The following GCH1 variants were observed in gnomAD, a reference collection of about 807,000 sequenced individuals.
GCH1 encodes GTP cyclohydrolase 1, also known as GTP cyclohydrolase I.
In GCH1, 5 loss-of-function variants were observed where a neutral mutation model predicts 25.9. The observed-to-expected ratio is 0.19, with a 90% CI of 0.10 to 0.41. The LOEUF is 0.41. GCH1 is among the 10% of genes least tolerant of loss of function. GCH1 has a pLI of 1.00. For synonymous variants in GCH1, 159 were observed against 129.6 expected, an observed-to-expected ratio of 1.23 and a Z score of -1.54; for missense variants, 261 against 336.5, an observed-to-expected ratio of 0.78 and a Z score of 1.75.
chr14:54,902,519 G>C lies in GCH1; in HGVS notation c.145C>G (p.Pro49Ala), dbSNP rs573085618. 1.4e-5 allele frequency: 22 copies of C among 1,596,262 alleles called. No individual in the cohort carries two copies. The African/African-American group carries it at 3.0e-4, about 22-fold the overall frequency. Residue 49 changes from proline to alanine, a missense_variant, in exon 1 of 6, where the codon CCC (proline) becomes GCC (alanine). By Grantham distance (27) the Pro-to-Ala change is conservative. Coordinates refer to ENST00000491895, the MANE Select transcript of GCH1 (RefSeq NM_000161.3). ...CGCTCGCCCTTCCAGCCGTCCGCGG[G>C]CTGCGCGCTCTTGGCCTCGGGCCGC... Reference protein sequence around the residue: ...PPRPEAKSAQPADGWKGERPR... With the variant: ...PPRPEAKSAQAADGWKGERPR...
intron 1 of GCH1, among the ~76,000 whole-genome samples, chr14:54,888,138 A>G (rs1388618170): frequency 1.3e-5 from 2 of 152,222 alleles, no homozygotes; most frequent in African/African-American, 4.8e-5. Context: ...GAACATTTAG[A>G]TAAGAAACCT....
chr14:54,891,752 C>T (rs2040426353), intron 1 of GCH1, among the ~76,000 whole-genome samples: 1 of 152,086 alleles, frequency 6.6e-6, no homozygotes, highest in Non-Finnish European at 1.5e-5. Context: ...CTGAGTATTG[C>T]GATGAAATCT....
At chr14:54,902,200 A>G (rs1231614111) in intron 1 of GCH1, 121 bp downstream of exon 1, 1 of 1,114,538 alleles carries the variant, frequency 9.0e-7, no homozygotes, top group African/African-American at 1.5e-5. Context: ...CGGAGGTGAC[A>G]GCGCCCGGCT....
At chr14:54,865,978 T>A (rs1298624535) in intron 1 of GCH1, among the ~76,000 whole-genome samples, 1 of 152,152 alleles carries the variant, frequency 6.6e-6, no homozygotes, top group Non-Finnish European at 1.5e-5. Context: ...TCAGACTTAT[T>A]CTAAACAGTT....
At chr14:54,879,652 G>C (rs2040215206) in intron 1 of GCH1, among the ~76,000 whole-genome samples, 1 of 152,048 alleles carries the variant, frequency 6.6e-6, no homozygotes. Flanking sequence ...TTTAAATTAA[G>C]TAAAAACAAT....
At chr14:54,887,313 T>G (rs1456770921) in intron 1 of GCH1, among the ~76,000 whole-genome samples, 1 of 152,262 alleles carries the variant, frequency 6.6e-6, no homozygotes, top group Non-Finnish European at 1.5e-5. Context: ...TGACAGTGCA[T>G]GAAGTACAGA....
intron 1 of GCH1, among the ~76,000 whole-genome samples, chr14:54,897,360 C>T (rs962905016): frequency 3.3e-5 from 5 of 151,078 alleles, no homozygotes; most frequent in African/African-American, 1.2e-4. Flanking sequence ...GCAATCTTGG[C>T]TCACTGCAAT....
intron 1 of GCH1, among the ~76,000 whole-genome samples, chr14:54,871,321 A>G (rs561896523): frequency 2.3e-4 from 35 of 152,288 alleles, no homozygotes; most frequent in African/African-American, 8.2e-4. Flanking sequence ...CAAACAAAAA[A>G]GACATCCACA....
chr14:54,899,012 T>C (rs766396027), intron 1 of GCH1, among the ~76,000 whole-genome samples: 1 of 152,312 alleles, frequency 6.6e-6, no homozygotes, highest in African/African-American at 2.4e-5. Context: ...CACATTACTC[T>C]AGGCCTACAC....
chr14:54,888,778 C>T (rs994275682), intron 1 of GCH1, among the ~76,000 whole-genome samples: 1 of 151,896 alleles, frequency 6.6e-6, no homozygotes, highest in Non-Finnish European at 1.5e-5. Flanking sequence ...CCACCTCAGC[C>T]TCCCAAAGTG....
At chr14:54,846,366 A>G (rs1478639753) in intron 4 of GCH1, among the ~76,000 whole-genome samples, 2 of 152,226 alleles carry the variant, frequency 1.3e-5, no homozygotes, top group Non-Finnish European at 2.9e-5. Flanking sequence ...CACTGCATCT[A>G]TTTGAAAACT....
chr14:54,851,379 A>C (rs1381759795), intron 3 of GCH1, among the ~76,000 whole-genome samples: 1 of 152,250 alleles, frequency 6.6e-6, no homozygotes, highest in Non-Finnish European at 1.5e-5. Context: ...AATGGGATCT[A>C]ATTAAACTAA....
chr14:54,843,732 C>T lies in GCH1; in HGVS notation c.*285G>A. ...GAAAAAAATACACTAATTCTTCTCCCTTCCCAGGCCCCTCTGGTTATCTGG... is the reference window on the plus strand; with the variant it reads ...GAAAAAAATACACTAATTCTTCTCCTTTCCCAGGCCCCTCTGGTTATCTGG... On this transcript the variant is annotated 3_prime_UTR_variant, in exon 6 of 6. Coordinates refer to ENST00000491895, the MANE Select transcript of GCH1 (RefSeq NM_000161.3). The T allele has an allele frequency of 1.6e-5, 26 of 1,612,812 alleles. No individual in the cohort carries two copies. The highest frequency in any genetic ancestry group is 2.1e-5 in the Non-Finnish European group (25 of 1,179,708).
intron 1 of GCH1, among the ~76,000 whole-genome samples, chr14:54,896,866 C>T (rs2040492103): frequency 1.4e-5 from 2 of 147,656 alleles, no homozygotes; most frequent in African/African-American, 2.6e-5. Context: ...TTGCAGTGAG[C>T]CCAGATCGCG....
At chr14:54,855,423 T>G (rs2039793708) in intron 3 of GCH1, among the ~76,000 whole-genome samples, 1 of 147,238 alleles carries the variant, frequency 6.8e-6, no homozygotes, top group Non-Finnish European at 1.5e-5. Flanking sequence ...GGAGAATCGC[T>G]TGAACCCAGG....
At chr14:54,863,612 TACAATGACAG>T (rs377125045) in intron 2 of GCH1, among the ~76,000 whole-genome samples, 4 of 147,134 alleles carry the variant, frequency 2.7e-5, no homozygotes, top group African/African-American at 1.0e-4. Context: ...GAAAATAAAC[TACAATGACAG>T]GCAATGACAT....
In GCH1 at chr14:54,843,016, G is replaced by A; in HGVS notation, c.*1001C>T. 1.2e-6 allele frequency: 1 copy of A among 825,926 alleles called. No individual in the cohort carries two copies. The highest frequency in any genetic ancestry group is 2.2e-6 in the Non-Finnish European group (1 of 461,666). The allele number at this position is 825,926 out of a possible 1,614,324, so 51.2% of individuals were successfully genotyped here. A position where few individuals can be genotyped will look rare whatever the true frequency, so the allele number is the denominator to read the frequency against. ...ATGTCTTCCACCGTCAGTTCATTCT[G>A]TGCTCGTTCAGGTGCGTGGAAGCTA... On this transcript the variant is annotated 3_prime_UTR_variant, in exon 6 of 6. Coordinates refer to ENST00000491895, the MANE Select transcript of GCH1 (RefSeq NM_000161.3).
At chr14:54,894,743 C>T in intron 1 of GCH1, among the ~76,000 whole-genome samples, 2 of 151,864 alleles carry the variant, frequency 1.3e-5, no homozygotes, top group Middle Eastern at 6.8e-3. Context: ...TATAATATGT[C>T]AAAAGTGCCT....
chr14:54,845,798 G>C lies in GCH1; in HGVS notation c.596C>G (p.Pro199Arg). 1 of 1,609,774 alleles carries C rather than the reference G, an allele frequency of 6.2e-7. No homozygotes were observed. The highest frequency in any genetic ancestry group is 8.5e-7 in the Non-Finnish European group (1 of 1,175,978). The change falls in exon 5 of 6, where the codon CCT becomes CGT. Residue 199 changes from proline to arginine, a missense_variant. Pro to Arg is a moderately radical substitution (Grantham distance 103). Transcript: ENST00000491895. ...TTCAACCACTACCCCGACTCCAGCA[G>C]GCCGCAAGGCTTCCGTGATTGCTAC... ...IAVAITEALRPAGVGVVVEAT... is the reference protein window; with the variant it reads ...IAVAITEALRRAGVGVVVEAT...
Sources: gnomAD v4.1 joint callset for allele counts (sites outside exome capture counted in the v4.1 genomes callset) on GRCh38, gnomAD v4.1.1 for gene constraint, MANE v1.5 for transcripts, NCBI Gene and HGNC (gene_info 2026-07-23, HGNC 2026-07-21) for gene names.